Variants in LARS2 observed in about 807,000 individuals in gnomAD.
LARS2 encodes leucine--tRNA ligase, mitochondrial.
A neutral mutation model predicts 116.6 loss-of-function variants in LARS2; 81 were observed. The observed-to-expected ratio is 0.69, with a 90% CI of 0.58 to 0.84. LARS2 has a LOEUF of 0.84. Among genes scored for constraint, LARS2 ranks in the 40% least tolerant of loss-of-function variants. LARS2 has a pLI of 0.00. For missense variants in LARS2, 968 were observed against 1,114.5 expected, an observed-to-expected ratio of 0.87 and a Z score of 1.87; for synonymous variants, 396 against 407.2, an observed-to-expected ratio of 0.97 and a Z score of 0.33.
chr3:45,546,196 A>G (rs368636057), intron 21 of LARS2, among the ~76,000 whole-genome samples: 2 of 152,256 alleles, frequency 1.3e-5, no homozygotes, highest in African/African-American at 4.8e-5. Context: ...GGACTTCACT[A>G]GGGGCATGGC....
rs148662170 is a variant in LARS2, at chr3:45,526,471, T to C, written c.2404+2363T>C. 1.0e-3 allele frequency among the ~76,000 whole-genome samples: 155 copies of C among 152,290 alleles called. 3 individuals are homozygous for C. The East Asian group carries it at 0.025, about 25-fold the overall frequency. On this transcript the variant is annotated intron_variant, in intron 20 of 21. Coordinates refer to ENST00000645846, the MANE Select transcript of LARS2 (RefSeq NM_015340.4). ...CAAGACATGAGCCGCAACATATCCA[T>C]GGGTTGCTGCTTGTGGAATTTTGCA... is the stretch of plus-strand genomic sequence containing the variant.
intron 6 of LARS2, among the ~76,000 whole-genome samples, chr3:45,430,334 T>A (rs1339795498): frequency 6.8e-6 from 1 of 146,146 alleles, no homozygotes; most frequent in Non-Finnish European, 1.5e-5. Flanking sequence ...GCTGGAGTAC[T>A]GTGGCGTGAT....
chr3:45,421,080 T>A (rs1698505990), intron 6 of LARS2: 1 of 152,180 alleles, frequency 6.6e-6, no homozygotes, highest in Admixed American at 6.5e-5. Flanking sequence ...AGCTGAGCAG[T>A]TTTTTGTTTT....
intron 8 of LARS2, among the ~76,000 whole-genome samples, 200 bp downstream of exon 8, chr3:45,459,086 G>A (rs911580500): frequency 7.2e-5 from 11 of 152,168 alleles, no homozygotes; most frequent in African/African-American, 2.4e-4. Flanking sequence ...TGTAAGTCAA[G>A]TATAGCACCT....
At chr3:45,430,730 G>A (rs894670767) in intron 6 of LARS2, among the ~76,000 whole-genome samples, 5 of 147,690 alleles carry the variant, frequency 3.4e-5, no homozygotes, top group African/African-American at 1.0e-4. Flanking sequence ...GACTACAGGC[G>A]CCCGCCACCA....
intron 17 of LARS2, 22 bp from the exon 18 acceptor site, chr3:45,517,881 C>A: frequency 6.2e-7 from 1 of 1,601,322 alleles, no homozygotes; most frequent in South Asian, 1.1e-5. Flanking sequence ...CTCTCTTTCT[C>A]ATTTACTGAT....
intron 10 of LARS2, among the ~76,000 whole-genome samples, chr3:45,480,817 C>A (rs995061820): frequency 3.9e-5 from 6 of 152,172 alleles, no homozygotes; most frequent in South Asian, 4.1e-4. Context: ...TATAATATAA[C>A]TTTTACATGT....
At chr3:45,527,666 G>A (rs1700551970) in intron 20 of LARS2, among the ~76,000 whole-genome samples, 1 of 152,140 alleles carries the variant, frequency 6.6e-6, no homozygotes, top group East Asian at 1.9e-4. Context: ...AGATACACCT[G>A]AGCAAGGATA....
intron 21 of LARS2, 87 bp from the exon 22 acceptor site, chr3:45,547,264 C>T: frequency 1.7e-6 from 2 of 1,202,454 alleles, no homozygotes; most frequent in East Asian, 4.8e-5. Context: ...TGCAGCCATG[C>T]CCTTTACAGG....
At chr3:45,531,789 A>G (rs1178879311) in intron 20 of LARS2, among the ~76,000 whole-genome samples, 1 of 152,240 alleles carries the variant, frequency 6.6e-6, no homozygotes, top group East Asian at 1.9e-4. Flanking sequence ...AAACCAAGGT[A>G]ATTAGCATAT....
intron 6 of LARS2, among the ~76,000 whole-genome samples, chr3:45,443,102 G>A (rs1559470870): frequency 6.6e-6 from 1 of 152,146 alleles, no homozygotes. Flanking sequence ...TGGTCTCTGG[G>A]GAACAAAATT....
chr3:45,408,065 A>G (rs1698262834), intron 4 of LARS2, among the ~76,000 whole-genome samples: 1 of 152,244 alleles, frequency 6.6e-6, no homozygotes. Context: ...CCATTTCTAC[A>G]TAAGGCCCCC....
At chr3:45,402,147 C>A (rs185033928) in intron 4 of LARS2, among the ~76,000 whole-genome samples, 12 of 152,302 alleles carry the variant, frequency 7.9e-5, no homozygotes, top group Middle Eastern at 6.8e-3. Context: ...CTTGTTTTCT[C>A]TCATCTATAA....
chr3:45,525,971 G>A (rs542822155), intron 20 of LARS2, among the ~76,000 whole-genome samples: 1 of 152,268 alleles, frequency 6.6e-6, no homozygotes, highest in East Asian at 1.9e-4. Flanking sequence ...ATGAGGTAGT[G>A]CAACTGATTT....
At chr3:45,426,290 A>C (rs543847459) in intron 6 of LARS2, among the ~76,000 whole-genome samples, 1 of 152,354 alleles carries the variant, frequency 6.6e-6, no homozygotes, top group African/African-American at 2.4e-5. Context: ...AAGAGAATGC[A>C]TGAAAACTCA....
In LARS2 at chr3:45,547,585, TG is replaced by T. The variant is rs1700894113; in HGVS notation, c.*58del. On this transcript the variant is annotated 3_prime_UTR_variant, in exon 22 of 22. Coordinates refer to ENST00000645846, the MANE Select transcript of LARS2 (RefSeq NM_015340.4). ...CCTCTGAGGAACCTCCTTCCAGGCCTGGGATGAGGGGGCGATGTCTGCTGGC... is the reference window on the plus strand; with the variant it reads ...CCTCTGAGGAACCTCCTTCCAGGCCTGGATGAGGGGGCGATGTCTGCTGGC... 1.5e-5 allele frequency: 22 copies of T among 1,479,580 alleles called. No individual in the cohort carries two copies. In the South Asian group the frequency reaches 2.8e-4, roughly 19 times the overall value. The allele number at this position is 1,479,580 out of a possible 1,614,324, so 91.7% of individuals were successfully genotyped here. A position where few individuals can be genotyped will look rare whatever the true frequency, so the allele number is the denominator to read the frequency against.
chr3:45,470,504 A>G (rs1022192568), intron 8 of LARS2, among the ~76,000 whole-genome samples: 3 of 152,296 alleles, frequency 2.0e-5, no homozygotes, highest in South Asian at 2.1e-4. Flanking sequence ...GGTGTACCCT[A>G]GAGTGACAGT....
rs1699611322 is a variant in LARS2, at chr3:45,476,497, GACTGCCTAT to G, written c.891_899del (p.Tyr299_Ala301del). ...ATGGGCAAGCCACGGGCGAAAAGCTGACTGCCTATACGGCCACCCCTGAAGCCATTTATG... is the reference window on the plus strand; with the variant it reads ...ATGGGCAAGCCACGGGCGAAAAGCTGACGGCCACCCCTGAAGCCATTTATG... On this transcript the variant is annotated inframe_deletion, in exon 10 of 22. Transcript: ENST00000645846. 6.2e-7 allele frequency: 1 copy of G among 1,614,054 alleles called. No homozygotes were observed. Among genetic ancestry groups the G allele is most frequent in the Admixed American group, 1.7e-5 (1 of 60,012 alleles).
chr3:45,409,706 C>A (rs1202127109), intron 4 of LARS2, among the ~76,000 whole-genome samples: 3 of 152,144 alleles, frequency 2.0e-5, no homozygotes, highest in Non-Finnish European at 4.4e-5. Context: ...GAGACCCTTT[C>A]CAATTTTGTG....
Sources: gnomAD v4.1 joint callset for allele counts (sites outside exome capture counted in the v4.1 genomes callset) on GRCh38, gnomAD v4.1.1 for gene constraint, MANE v1.5 for transcripts, NCBI Gene and HGNC (gene_info 2026-07-23, HGNC 2026-07-21) for gene names.